The following OSBPL5 variants were observed in gnomAD, a reference collection of about 807,000 sequenced individuals.
OSBPL5 encodes oxysterol binding protein like 5.
Under a neutral mutation model 111.2 loss-of-function variants are expected in OSBPL5, and 71 were observed. That is an observed-to-expected ratio of 0.64 (90% CI 0.53 to 0.78). OSBPL5 has a LOEUF of 0.78. OSBPL5 is among the 30% of genes least tolerant of loss of function. The probability of loss-of-function intolerance (pLI) is 0.00; values close to 1 mark genes in which losing one functional copy is unlikely to be tolerated. For missense variants in OSBPL5, 1,210 were observed against 1,189.3 expected, an observed-to-expected ratio of 1.02 and a Z score of -0.26; for synonymous variants, 549 against 513.9, an observed-to-expected ratio of 1.07 and a Z score of -0.93.
rs755340635 is a variant in OSBPL5 at position 3,104,217 on chromosome 11, T to C, written c.1220A>G (p.Tyr407Cys). The change falls in exon 10 of 22, where the codon TAC (tyrosine) becomes TGC (cysteine). Residue 407 changes from tyrosine (Y) to cysteine (C), a missense_variant. Transcript: ENST00000263650. The surrounding 1 kb of genome is among the most constrained non-coding windows in gnomAD (Gnocchi z 5.0). ...CCTGGAGAGCAGGTCTGCGTGGTAG[T>C]AGTAGTCGGAGAGCTTGTTCAGGAA... ...RSFLNKLSDY[Y>C]YHADLLSRAA... is the part of the protein sequence containing the mutation. 6.2e-7 allele frequency: 1 copy of C among 1,611,560 alleles called. No individual in the cohort carries two copies. Among genetic ancestry groups the C allele is most frequent in the Admixed American group, 1.7e-5 (1 of 59,938 alleles).
At chr11:3,144,193 A>T (rs1846253538) in intron 1 of OSBPL5, among the ~76,000 whole-genome samples, 1 of 152,194 alleles carries the variant, frequency 6.6e-6, no homozygotes, top group South Asian at 2.1e-4. Flanking sequence ...GGTGGAAGTG[A>T]CAGGCAGGTG....
intron 1 of OSBPL5, among the ~76,000 whole-genome samples, chr11:3,164,660 C>T (rs1434013965): frequency 6.6e-6 from 1 of 152,204 alleles, no homozygotes; most frequent in Admixed American, 6.5e-5. Flanking sequence ...CCTTCCCTAG[C>T]CTGTAATCCA....
chr11:3,103,726 G>GC (rs1274960148), intron 10 of OSBPL5, among the ~76,000 whole-genome samples: 68 of 73,084 alleles, frequency 9.3e-4, no homozygotes, highest in African/African-American at 1.4e-3. Context: ...AGGCTCTGCT[G>GC]CCCCTTCCTG....
In OSBPL5 at chr11:3,105,470, A is replaced by T. The variant is rs1458467355; in HGVS notation, c.1060-1093T>A. ...AGTGCTGTAGCTTTGGGGCTTGGAA[A>T]TCATGGGTAGCTTCGGCTGTCAGGA... is the stretch of plus-strand genomic sequence containing the variant. On this transcript the variant is annotated intron_variant, in intron 9 of 21. Transcript: ENST00000263650. The surrounding 1 kb of genome is among the most constrained non-coding windows in gnomAD (Gnocchi z 5.2). Among the ~76,000 whole-genome samples the T allele has an allele frequency of 6.6e-6, 1 of 152,028 alleles. No individual in the cohort carries two copies. Among genetic ancestry groups the T allele is most frequent in the Non-Finnish European group, 1.5e-5 (1 of 67,990 alleles).
At chr11:3,117,280 C>T (rs1357608796) in intron 7 of OSBPL5, among the ~76,000 whole-genome samples, 2 of 152,232 alleles carry the variant, frequency 1.3e-5, no homozygotes, top group Non-Finnish European at 2.9e-5. Context: ...TACAGGGTTC[C>T]TGACCTGTGG....
At chr11:3,096,654 G>A (rs1337480778) in intron 14 of OSBPL5, among the ~76,000 whole-genome samples, 9 of 150,452 alleles carry the variant, frequency 6.0e-5, no homozygotes, top group Middle Eastern at 3.4e-3. Context: ...AAGAAAGAAG[G>A]GAAATCCTTA....
rs1276833242 is a variant in OSBPL5, at chr11:3,162,661, T to C, written c.-22+2555A>G. 6.6e-6 allele frequency among the ~76,000 whole-genome samples: 1 copy of C among 152,028 alleles called. No individual in the cohort carries two copies. The highest frequency in any genetic ancestry group is 1.5e-5 in the Non-Finnish European group (1 of 68,022). On this transcript the variant is annotated intron_variant, in intron 1 of 21. Coordinates refer to ENST00000263650, the MANE Select transcript of OSBPL5 (RefSeq NM_020896.4). The surrounding 1 kb of genome is among the most constrained non-coding windows in gnomAD (Gnocchi z 8.1). ...CTCCACGGGAAAGGTTACCCAGCCG[T>C]GGCCAAGACCCAGCCACCAAGGCCC... is the stretch of plus-strand genomic sequence containing the variant.
In OSBPL5 at chr11:3,107,540, G is replaced by A. The variant is rs577373859; in HGVS notation, c.867-85C>T. 8.8e-5 allele frequency: 130 copies of A among 1,485,376 alleles called. No individual in the cohort carries two copies. The highest frequency in any genetic ancestry group is 7.4e-4 in the South Asian group (62 of 83,384). 92.0% of individuals were successfully genotyped at this position (1,485,376 alleles called of 1,614,324 possible). A position where few individuals can be genotyped will look rare whatever the true frequency, so the allele number is the denominator to read the frequency against. Reference sequence around the variant, plus strand: ...TGGGCTGCCCACCCCTCGCTGCTCCGCACTTCACATACGTTCCTGCCTGTC... The same window carrying A: ...TGGGCTGCCCACCCCTCGCTGCTCCACACTTCACATACGTTCCTGCCTGTC... On this transcript the variant is annotated intron_variant, in intron 8 of 21. Coordinates refer to ENST00000263650, the MANE Select transcript of OSBPL5 (RefSeq NM_020896.4). The surrounding 1 kb of genome is among the most constrained non-coding windows in gnomAD (Gnocchi z 6.1).
At chr11:3,120,757 C>A (rs923842442) in intron 5 of OSBPL5, 133 bp from the exon 6 acceptor site, 21 of 906,216 alleles carry the variant, frequency 2.3e-5, no homozygotes, top group African/African-American at 6.5e-5. Flanking sequence ...CTCACTCCCC[C>A]ACACCAGTTC....
Position 3,107,330 on chromosome 11 carries a change from TCTGA to T in OSBPL5, c.988_991del (p.Ser330ArgfsTer40). 1 of 1,613,942 alleles carries T rather than the reference TCTGA, an allele frequency of 6.2e-7. No individual in the cohort carries two copies. The highest frequency in any genetic ancestry group is 8.5e-7 in the Non-Finnish European group (1 of 1,179,974). On this transcript the variant is annotated frameshift_variant, in exon 9 of 22. Coordinates refer to ENST00000263650, the MANE Select transcript of OSBPL5 (RefSeq NM_020896.4). LOFTEE classifies it high-confidence loss of function. The surrounding 1 kb of genome is among the most constrained non-coding windows in gnomAD (Gnocchi z 6.1). ...TCTCCGCACCGGGGCCCCAGGGGTCTCTGACTGGTCGCTGCCACTCTCCGTCTTC... is the reference window on the plus strand; with the variant it reads ...TCTCCGCACCGGGGCCCCAGGGGTCTCTGGTCGCTGCCACTCTCCGTCTTC...
At chr11:3,158,403 C>G (rs1189000238) in intron 1 of OSBPL5, among the ~76,000 whole-genome samples, 2 of 152,278 alleles carry the variant, frequency 1.3e-5, no homozygotes, top group African/African-American at 4.8e-5. Flanking sequence ...ACAAACGGCT[C>G]TTGGTGCCCA....
chr11:3,114,602 T>TC (rs1858142854), intron 7 of OSBPL5, among the ~76,000 whole-genome samples: 1 of 141,010 alleles, frequency 7.1e-6, no homozygotes, highest in African/African-American at 2.7e-5. Context: ...TTTTTTTTTT[T>TC]TTTTTTTTTT....
rs537731769 is a variant in OSBPL5, at chr11:3,122,161, A to G, written c.301-63T>C. The G allele has an allele frequency of 5.8e-5, 86 of 1,490,934 alleles. No individual in the cohort carries two copies. In the African/African-American group the frequency reaches 1.0e-3, roughly 17 times the overall value. The allele number at this position is 1,490,934 out of a possible 1,614,324, so 92.4% of individuals were successfully genotyped here. ...GCACCGAGCTGCCCCAGCTCCTCCC[A>G]CCGTCCAGCCCAGGGATGGGTCCAG... On this transcript the variant is annotated intron_variant, in intron 4 of 21. Transcript: ENST00000263650.
intron 1 of OSBPL5, among the ~76,000 whole-genome samples, chr11:3,155,367 C>G (rs1205828197): frequency 2.0e-5 from 3 of 152,218 alleles, no homozygotes; most frequent in Non-Finnish European, 2.9e-5. Flanking sequence ...GCCTGGGCCA[C>G]TTCCCAGCTG....
intron 14 of OSBPL5, chr11:3,094,614 C>A (rs1354855851): frequency 2.5e-5 from 11 of 438,360 alleles, no homozygotes; most frequent in African/African-American, 6.1e-5. Context: ...CCGTCTCCCC[C>A]ACTAAGGGGG....
In OSBPL5 at chr11:3,090,630, C is replaced by T; in HGVS notation, c.2326G>A (p.Glu776Lys). 1 of 1,613,040 alleles carries T rather than the reference C, an allele frequency of 6.2e-7. No homozygotes were observed. ...GACTCAGGCGTGGATCCGCTGCTCT[C>T]CGTGGCCTGGCTGTGGCCGGAGGGC... Reference protein sequence around the residue: ...DQPSGHSQATESSGSTPESCP... With the variant: ...DQPSGHSQATKSSGSTPESCP... Residue 776 changes from glutamate (E) to lysine (K), a missense_variant, in exon 20 of 22, where the codon GAG (glutamate) becomes AAG (lysine). By Grantham distance (56) the Glu-to-Lys change is moderately conservative. Transcript: ENST00000263650.
At chr11:3,134,384 G>C (rs1292439954) in intron 1 of OSBPL5, among the ~76,000 whole-genome samples, 1 of 152,170 alleles carries the variant, frequency 6.6e-6, no homozygotes, top group Non-Finnish European at 1.5e-5. Flanking sequence ...TTGCCTGGGG[G>C]AGCGCCAGGT....
chr11:3,119,544 C>T lies in OSBPL5; in HGVS notation c.691+3G>A. On this transcript the variant is annotated splice_donor_region_variant and intron_variant, in intron 7 of 21. Transcript: ENST00000263650. ...GGAGATGCGCAAGCTGGCAGGGACT[C>T]ACCATCTGACTCGGAGGCGGCCCTG... 8 of 1,573,052 alleles carry T rather than the reference C, an allele frequency of 5.1e-6. No individual in the cohort carries two copies. The highest frequency in any genetic ancestry group is 6.0e-6 in the Non-Finnish European group (7 of 1,164,366).
Position 3,092,375 on chromosome 11 carries a change from G to A in OSBPL5, c.2259+57C>T. ...GGAGTGAGGTGAGGAGCGAGGGGTG[G>A]TGGTGGCCACACGTGCAGCTAAGAC... On this transcript the variant is annotated intron_variant, in intron 19 of 21. Transcript: ENST00000263650. The surrounding 1 kb of genome is among the most constrained non-coding windows in gnomAD (Gnocchi z 5.4). The A allele has an allele frequency of 6.6e-7, 1 of 1,509,834 alleles. No individual in the cohort carries two copies. The allele number at this position is 1,509,834 out of a possible 1,614,324, so 93.5% of individuals were successfully genotyped here.
Sources: gnomAD v4.1 joint callset for allele counts (sites outside exome capture counted in the v4.1 genomes callset) on GRCh38, gnomAD v4.1.1 for gene constraint, Gnocchi (gnomAD v3.1) non-coding constraint, MANE v1.5 for transcripts, NCBI Gene and HGNC (gene_info 2026-07-23, HGNC 2026-07-21) for gene names.